C7: variants seen among roughly 807,000 people sequenced by gnomAD.
The protein encoded by C7 is complement component C7.
C7 carries 83 observed loss-of-function variants against 104.8 expected under a neutral mutation model. That is an observed-to-expected ratio of 0.79 (90% confidence interval 0.66 to 0.95). The LOEUF is 0.95. Among genes scored for constraint, C7 ranks in the 40% least tolerant of loss-of-function variants. The pLI is 0.00. For synonymous variants in C7, 415 were observed against 360.6 expected, an observed-to-expected ratio of 1.15 and a Z score of -1.71; for missense variants, 1,070 against 1,011.2, an observed-to-expected ratio of 1.06 and a Z score of -0.79.
chr5:40,952,353 T>C (rs2111645460), intron 9 of C7, among the ~76,000 whole-genome samples: 1 of 152,234 alleles, frequency 6.6e-6, no homozygotes, highest in African/African-American at 2.4e-5. Context: ...CAGTCTGGGG[T>C]CTTGACTTGC....
In C7 at chr5:40,953,824, T is replaced by C. The variant is rs368730148; in HGVS notation, c.1094-1563T>C. 1.5e-4 allele frequency among the ~76,000 whole-genome samples: 6 copies of C among 39,382 alleles called. No homozygotes were observed. The South Asian group carries it at 5.1e-3, about 33-fold the overall frequency. The allele number at this position is 39,382 out of a possible 152,430, so 25.8% of individuals were successfully genotyped here. A position where few individuals can be genotyped will look rare whatever the true frequency, so the allele number is the denominator to read the frequency against. On this transcript the variant is annotated intron_variant, in intron 9 of 17. Coordinates refer to ENST00000313164, the MANE Select transcript of C7 (RefSeq NM_000587.4). ...CCTGATTTGATCATTACACATTCTA[T>C]GCATGTATCAAAATATCACATGCAC... is the stretch of plus-strand genomic sequence containing the variant.
chr5:40,923,703 G>A (rs887205970), intron 1 of C7, among the ~76,000 whole-genome samples: 3 of 151,516 alleles, frequency 2.0e-5, no homozygotes, highest in Non-Finnish European at 4.4e-5. Flanking sequence ...CCGAGATTGT[G>A]CCATTGCACT....
At chr5:40,919,160 G>A (rs1246263671) in intron 1 of C7, among the ~76,000 whole-genome samples, 1 of 145,126 alleles carries the variant, frequency 6.9e-6, no homozygotes, top group Non-Finnish European at 1.5e-5. Flanking sequence ...GTCTTGCTCT[G>A]TCACCCAGCC....
chr5:40,964,823 C>T lies in C7; in HGVS notation c.1832C>T (p.Ala611Val). The T allele has an allele frequency of 6.2e-7, 1 of 1,613,632 alleles. No homozygotes were observed. Among genetic ancestry groups the T allele is most frequent in the Non-Finnish European group, 8.5e-7 (1 of 1,179,680 alleles). ...TACTCTCTTATTGGAAACCCAGTGG[C>T]CAGATGTGGAGAAGATTTACGGTGG... ...EGYSLIGNPV[A>V]RCGEDLRWLV... is the part of the protein sequence containing the mutation. The change falls in exon 14 of 18, where the codon GCC (alanine) becomes GTC (valine). Residue 611 changes from alanine to valine, a missense_variant. Coordinates refer to ENST00000313164, the MANE Select transcript of C7 (RefSeq NM_000587.4).
At chr5:40,925,087 G>T (rs1015297587) in intron 1 of C7, among the ~76,000 whole-genome samples, 16 of 152,096 alleles carry the variant, frequency 1.1e-4, no homozygotes, top group African/African-American at 3.6e-4. Flanking sequence ...TTTCTCTGCT[G>T]CGTGGCCAGG....
chr5:40,923,102 A>G (rs2111627978), intron 1 of C7, among the ~76,000 whole-genome samples: 1 of 152,314 alleles, frequency 6.6e-6, no homozygotes, highest in African/African-American at 2.4e-5. Flanking sequence ...TCAAAATGTA[A>G]AGGGAAGTAA....
chr5:40,938,033 G>A (rs1739853555), intron 6 of C7, among the ~76,000 whole-genome samples: 1 of 152,124 alleles, frequency 6.6e-6, no homozygotes, highest in Admixed American at 6.6e-5. Flanking sequence ...CTGCTACAGT[G>A]TCAGCTCACT....
intron 15 of C7, 102 bp from the exon 16 acceptor site, chr5:40,976,648 T>C (rs1250671632): frequency 1.5e-6 from 1 of 671,748 alleles, no homozygotes; most frequent in Non-Finnish European, 2.5e-6. Flanking sequence ...TGCATTGCAG[T>C]TGGAGAATAC....
chr5:40,968,819 C>T (rs1178326266), intron 14 of C7, among the ~76,000 whole-genome samples: 1 of 150,842 alleles, frequency 6.6e-6, no homozygotes. Flanking sequence ...ACCATGTTGC[C>T]GTGGCTGTTC....
intron 1 of C7, among the ~76,000 whole-genome samples, chr5:40,911,792 G>A (rs1739213966): frequency 6.7e-6 from 1 of 149,536 alleles, no homozygotes; most frequent in Admixed American, 6.7e-5. Context: ...AGGCTGGAGT[G>A]CAGAGGTACG....
chr5:40,929,552 T>C (rs1739632550), intron 2 of C7, among the ~76,000 whole-genome samples: 1 of 152,120 alleles, frequency 6.6e-6, no homozygotes, highest in Admixed American at 6.6e-5. Flanking sequence ...TCTTAAGACA[T>C]GCAAGAATCA....
At chr5:40,918,991 C>CACAG (rs1554040832) in intron 1 of C7, among the ~76,000 whole-genome samples, 2 of 148,874 alleles carry the variant, frequency 1.3e-5, no homozygotes, top group South Asian at 2.1e-4. Flanking sequence ...CACACACACA[C>CACAG]AGAACATTCC....
intron 10 of C7, 68 bp from the exon 11 acceptor site, chr5:40,957,964 TA>T: frequency 8.8e-7 from 1 of 1,142,642 alleles, no homozygotes; most frequent in Non-Finnish European, 1.2e-6. Context: ...GAGTCGTGCC[TA>T]AACATGAAAA....
At chr5:40,963,128 T>C (rs867615737) in intron 13 of C7, among the ~76,000 whole-genome samples, 1 of 152,188 alleles carries the variant, frequency 6.6e-6, no homozygotes, top group African/African-American at 2.4e-5. Context: ...TAGCAAACCA[T>C]GAGGCTGCTG....
chr5:40,974,684 C>T (rs1740777023), intron 15 of C7, among the ~76,000 whole-genome samples: 1 of 152,164 alleles, frequency 6.6e-6, no homozygotes, highest in South Asian at 2.1e-4. Context: ...TCCCAAAGTA[C>T]TGGGATTACA....
At chr5:40,916,034 A>G (rs1253214431) in intron 1 of C7, among the ~76,000 whole-genome samples, 2 of 152,236 alleles carry the variant, frequency 1.3e-5, no homozygotes, top group African/African-American at 4.8e-5. Flanking sequence ...TGATATTCTT[A>G]GAGAATCAGT....
intron 1 of C7, among the ~76,000 whole-genome samples, chr5:40,926,642 A>G (rs961312294): frequency 6.6e-6 from 1 of 152,252 alleles, no homozygotes; most frequent in Non-Finnish European, 1.5e-5. Flanking sequence ...AAAGACATTA[A>G]GAAAACAATC....
chr5:40,948,791 G>A (rs1740103974), intron 8 of C7, among the ~76,000 whole-genome samples: 1 of 152,002 alleles, frequency 6.6e-6, no homozygotes, highest in African/African-American at 2.4e-5. Flanking sequence ...CCCTCTTCAA[G>A]GTCTTTCTCT....
At chr5:40,965,164 G>C (rs767635557) in intron 14 of C7, among the ~76,000 whole-genome samples, 7 of 152,190 alleles carry the variant, frequency 4.6e-5, no homozygotes, top group Non-Finnish European at 7.3e-5. Context: ...ATTCTTTAGA[G>C]TTCAGTTACT....
Sources: allele counts gnomAD v4.1 joint callset (sites outside exome capture counted in the v4.1 genomes callset), GRCh38; gene constraint gnomAD v4.1.1; transcripts MANE v1.5; gene names NCBI Gene and HGNC (gene_info 2026-07-23, HGNC 2026-07-21).